Variants in SIAH1 observed in about 807,000 individuals in gnomAD.
The protein encoded by SIAH1 is siah E3 ubiquitin protein ligase 1.
Under a neutral mutation model 20.0 loss-of-function variants are expected in SIAH1, and 2 were observed. The ratio of observed to expected loss-of-function variants is 0.10; its 90% confidence interval spans 0.04 to 0.31. The LOEUF (loss-of-function observed/expected upper bound fraction) is 0.31, where lower values mean the gene tolerates loss of function less well. SIAH1 is among the 10% of genes least tolerant of loss of function. SIAH1 has a pLI of 1.00. For synonymous variants in SIAH1, 118 were observed against 125.3 expected (o/e 0.94, Z 0.39); for missense variants, 119 against 355.3 (o/e 0.33, Z 5.35).
chr16:48,384,930 C>A (rs1397674740), intron 1 of SIAH1, among the ~76,000 whole-genome samples: 4 of 145,378 alleles, frequency 2.8e-5, no homozygotes, highest in Admixed American at 2.7e-4. Flanking sequence ...TCGGCCCGGC[C>A]GCGCGGGGCC....
At chr16:48,385,438 A>G (rs1961433624), upstream of SIAH1, 2 of 150,644 alleles carry the variant, frequency 1.3e-5, no homozygotes, top group African/African-American at 4.9e-5. Context: ...CCCCCGCTAA[A>G]TACCACACAC....
At chr16:48,370,436 A>G (rs906494298) in intron 1 of SIAH1, among the ~76,000 whole-genome samples, 9 of 152,058 alleles carry the variant, frequency 5.9e-5, no homozygotes, top group Non-Finnish European at 5.9e-5. Flanking sequence ...AGCACCTACT[A>G]AGTGCCAGGT....
intron 1 of SIAH1, among the ~76,000 whole-genome samples, chr16:48,379,782 C>T (rs979117587): frequency 1.3e-5 from 2 of 152,190 alleles, no homozygotes; most frequent in Admixed American, 1.3e-4. Flanking sequence ...TCACAAAGAG[C>T]TTCTCAGCTA....
intron 1 of SIAH1, among the ~76,000 whole-genome samples, chr16:48,375,625 C>T (rs769343363): frequency 3.3e-5 from 5 of 150,346 alleles, no homozygotes; most frequent in Admixed American, 6.6e-5. Context: ...GGCGACAGAG[C>T]GAGACTCCGT....
At chr16:48,383,850 A>G (rs1181874564) in intron 1 of SIAH1, among the ~76,000 whole-genome samples, 2 of 152,342 alleles carry the variant, frequency 1.3e-5, no homozygotes, top group East Asian at 3.9e-4. Context: ...CTTTCATCAT[A>G]CCAACACATC....
chr16:48,373,489 G>A (rs1961033037), intron 1 of SIAH1, among the ~76,000 whole-genome samples: 1 of 152,082 alleles, frequency 6.6e-6, no homozygotes. Flanking sequence ...AAAACAGTCA[G>A]GAAATCTTAT....
intron 1 of SIAH1, among the ~76,000 whole-genome samples, chr16:48,377,317 C>G (rs1366230199): frequency 6.6e-6 from 1 of 151,666 alleles, no homozygotes; most frequent in African/African-American, 2.4e-5. Flanking sequence ...AACCACAAAC[C>G]TAATGGAAGG....
intron 1 of SIAH1, among the ~76,000 whole-genome samples, chr16:48,369,860 C>T (rs980813348): frequency 6.6e-6 from 1 of 152,212 alleles, no homozygotes; most frequent in Non-Finnish European, 1.5e-5. Flanking sequence ...ATTAATCAAA[C>T]CTAACTACAC....
chr16:48,382,701 T>C (rs1419765970), intron 1 of SIAH1, among the ~76,000 whole-genome samples: 5 of 152,110 alleles, frequency 3.3e-5, no homozygotes, highest in African/African-American at 1.2e-4. Context: ...GTACAAAAAA[T>C]ATCTAGATTT....
Position 48,362,574 on chromosome 16 carries a change from G to C in SIAH1, c.-2-144C>G, listed in dbSNP as rs1354904775. On this transcript the variant is annotated intron_variant, in intron 1 of 1. Transcript: ENST00000394725. The surrounding 1 kb of genome is among the most constrained non-coding windows in gnomAD (Gnocchi z 4.2). Reference sequence around the variant, plus strand: ...GAGGAAGAAAAATAGGATTAAAAAAGATATTAAAAAAATAAAATTACACTG... The same window carrying C: ...GAGGAAGAAAAATAGGATTAAAAAACATATTAAAAAAATAAAATTACACTG... 2 of 788,154 alleles carry C rather than the reference G, an allele frequency of 2.5e-6. No homozygotes were observed. The highest frequency in any genetic ancestry group is 2.7e-5 in the East Asian group (1 of 36,848). 48.8% of individuals were successfully genotyped at this position (788,154 alleles called of 1,614,324 possible).
At chr16:48,384,444 TAAGA>T (rs1002893869) in intron 1 of SIAH1, among the ~76,000 whole-genome samples, 3 of 152,036 alleles carry the variant, frequency 2.0e-5, no homozygotes, top group Non-Finnish European at 2.9e-5. Context: ...TTGGGAGAGT[TAAGA>T]AAGGACCCCA....
At chr16:48,365,311 T>G in intron 1 of SIAH1, 3 of 1,513,446 alleles carry the variant, frequency 2.0e-6, no homozygotes, top group Non-Finnish European at 2.7e-6. Context: ...AGCCATTCCC[T>G]AAGCCAGGCA....
At chr16:48,377,491 G>C (rs1020715958) in intron 1 of SIAH1, among the ~76,000 whole-genome samples, 1 of 150,908 alleles carries the variant, frequency 6.6e-6, no homozygotes, top group Non-Finnish European at 1.5e-5. Flanking sequence ...CCCGGGTTAA[G>C]TGATTCTCCT....
Position 48,385,254 on chromosome 16 carries a change from C to G in SIAH1, c.-53G>C. On this transcript the variant is annotated 5_prime_UTR_variant, in exon 1 of 2. Transcript: ENST00000394725. ...CCCCGGTCCTGGCACCAACGCGCTC[C>G]GTCGCCAACCCCCGCCACCGCGGGC... 1 of 320,256 alleles carries G rather than the reference C, an allele frequency of 3.1e-6. No individual in the cohort carries two copies. The highest frequency in any genetic ancestry group is 6.6e-6 in the Non-Finnish European group (1 of 150,958). 19.8% of individuals were successfully genotyped at this position (320,256 alleles called of 1,614,324 possible).
intron 1 of SIAH1, among the ~76,000 whole-genome samples, chr16:48,371,051 T>C (rs1380156733): frequency 3.4e-5 from 5 of 147,956 alleles, no homozygotes; most frequent in Non-Finnish European, 5.9e-5. Flanking sequence ...GAGGGGGAGG[T>C]TGCAGTGAGC....
intron 1 of SIAH1, among the ~76,000 whole-genome samples, chr16:48,364,436 T>G (rs1677663029): frequency 6.6e-6 from 1 of 152,196 alleles, no homozygotes. Flanking sequence ...AAATAAAGAT[T>G]AATTCCACGT....
chr16:48,375,346 G>T (rs949671736), intron 1 of SIAH1, among the ~76,000 whole-genome samples: 2 of 152,184 alleles, frequency 1.3e-5, no homozygotes, highest in African/African-American at 2.4e-5. Context: ...TAAACGGGGT[G>T]GGGGGAGAGA....
In SIAH1 at chr16:48,381,844, G is replaced by A. The variant is rs935410996; in HGVS notation, c.-3+3360C>T. Reference sequence around the variant, plus strand: ...ATTTGTCTAAACCCATAAAATGTACGCCACTATAATCTTTGGGTAATAATG... The same window carrying A: ...ATTTGTCTAAACCCATAAAATGTACACCACTATAATCTTTGGGTAATAATG... On this transcript the variant is annotated intron_variant, in intron 1 of 1. Coordinates refer to ENST00000394725, the MANE Select transcript of SIAH1 (RefSeq NM_003031.4). Among the ~76,000 whole-genome samples, 15 of 152,234 alleles carry A rather than the reference G, an allele frequency of 9.9e-5. No individual in the cohort carries two copies. The East Asian group carries it at 2.7e-3, about 27-fold the overall frequency.
In SIAH1 at chr16:48,379,438, T is replaced by C. The variant is rs560335774; in HGVS notation, c.-3+5766A>G. ...AACAAAAGAACCCAGTTGGCCTAGG[T>C]AGGGCAAAGGGGAAACACAGGCAAT... On this transcript the variant is annotated intron_variant, in intron 1 of 1. Coordinates refer to ENST00000394725, the MANE Select transcript of SIAH1 (RefSeq NM_003031.4). Among the ~76,000 whole-genome samples the C allele has an allele frequency of 3.9e-5, 6 of 152,210 alleles. No homozygotes were observed. The East Asian group carries it at 7.7e-4, about 20-fold the overall frequency.
Sources: allele counts gnomAD v4.1 joint callset (sites outside exome capture counted in the v4.1 genomes callset), GRCh38; gene constraint gnomAD v4.1.1; non-coding constraint Gnocchi (gnomAD v3.1); transcripts MANE v1.5; gene names NCBI Gene and HGNC (gene_info 2026-07-23, HGNC 2026-07-21).